RAE1: variants seen among roughly 807,000 people sequenced by gnomAD.
RAE1 encodes the protein mRNA export factor RAE1.
RAE1 carries 13 observed loss-of-function variants against 52.7 expected under a neutral mutation model. That is an observed-to-expected ratio of 0.25 (90% CI 0.16 to 0.39). The LOEUF (loss-of-function observed/expected upper bound fraction) is 0.39, where lower values mean the gene tolerates loss of function less well. Ranked by LOEUF, RAE1 falls within the 10% of genes least tolerant of loss-of-function variation. The probability of loss-of-function intolerance (pLI) is 1.00; values close to 1 mark genes in which losing one functional copy is unlikely to be tolerated. For synonymous variants in RAE1, 164 were observed against 153.1 expected (o/e 1.07, Z -0.52); for missense variants, 262 against 459.8 (o/e 0.57, Z 3.93).
intron 4 of RAE1, among the ~76,000 whole-genome samples, chr20:57,362,786 TTTTG>T (rs1362508942): frequency 2.6e-5 from 4 of 151,854 alleles, no homozygotes; most frequent in Non-Finnish European, 4.4e-5. Flanking sequence ...AGAGGTAAAT[TTTTG>T]TTTGTTTGTT....
chr20:57,353,915 T>C, intron 1 of RAE1, 117 bp from the exon 2 acceptor site: 2 of 834,456 alleles, frequency 2.4e-6, no homozygotes, highest in South Asian at 1.7e-5. Context: ...GTCTGAAAAG[T>C]GAAGCCTGGC....
intron 2 of RAE1, 137 bp from the exon 3 acceptor site, chr20:57,354,575 C>T (rs2066757357): frequency 5.3e-6 from 3 of 566,276 alleles, no homozygotes; most frequent in Non-Finnish European, 9.0e-6. Flanking sequence ...TGTCTTTGAT[C>T]AAAGTAAGGA....
Position 57,351,263 on chromosome 20 carries a change from G to A in RAE1, c.-167G>A, listed in dbSNP as rs2066703998. On this transcript the variant is annotated 5_prime_UTR_variant, in exon 1 of 12. Transcript: ENST00000395841. ...CAGGGCGCACGCGCGTTGTTTCCGC[G>A]GTAGTCAGGGCAGTTTCTACCGCAG... 1.0e-6 allele frequency: 1 copy of A among 985,338 alleles called. No homozygotes were observed. Among genetic ancestry groups the A allele is most frequent in the Non-Finnish European group, 1.2e-6 (1 of 829,922 alleles). The allele number at this position is 985,338 out of a possible 1,614,324, so 61.0% of individuals were successfully genotyped here. A position where few individuals can be genotyped will look rare whatever the true frequency, so the allele number is the denominator to read the frequency against.
At chr20:57,369,243 G>A (rs1320757555) in intron 8 of RAE1, among the ~76,000 whole-genome samples, 2 of 152,230 alleles carry the variant, frequency 1.3e-5, no homozygotes, top group African/African-American at 4.8e-5. Flanking sequence ...AGGGGGCTCA[G>A]GGCATGGCCC....
intron 4 of RAE1, among the ~76,000 whole-genome samples, chr20:57,364,998 T>C (rs1210229135): frequency 6.6e-6 from 1 of 152,222 alleles, no homozygotes; most frequent in Non-Finnish European, 1.5e-5. Context: ...TTTGCAACTT[T>C]TCTGAAGGCT....
At chr20:57,374,834 A>G (rs372649680) in intron 11 of RAE1, 33 bp downstream of exon 11, 30 of 1,611,700 alleles carry the variant, frequency 1.9e-5, no homozygotes, top group Non-Finnish European at 2.4e-5. Flanking sequence ...TGGGTGCTCC[A>G]AGGCAGCAGA....
At chr20:57,355,914 G>A (rs1396114262) in intron 3 of RAE1, among the ~76,000 whole-genome samples, 2 of 152,218 alleles carry the variant, frequency 1.3e-5, no homozygotes. Flanking sequence ...GAGGAAAGCT[G>A]TAGCTGCAAA....
In RAE1 at chr20:57,368,732, G is replaced by T; in HGVS notation, c.562G>T (p.Ala188Ser). Residue 188 changes from alanine to serine, a missense_variant, in exon 8 of 12, where the codon GCA becomes TCA. Physicochemically the swap from Ala to Ser is moderately conservative, Grantham distance 99 (BLOSUM62 1). Transcript: ENST00000395841. Reference sequence around the variant, plus strand: ...ATACCCCATGGCTGTGGTGGCAACTGCAGAGAGGGGCCTGATTGTCTATCA... The same window carrying T: ...ATACCCCATGGCTGTGGTGGCAACTTCAGAGAGGGGCCTGATTGTCTATCA... ...VIYPMAVVAT[A>S]ERGLIVYQLE... 1 of 1,613,684 alleles carries T rather than the reference G, an allele frequency of 6.2e-7. No homozygotes were observed. Among genetic ancestry groups the T allele is most frequent in the African/African-American group, 1.3e-5 (1 of 75,036 alleles).
At chr20:57,357,340 A>G (rs1050779415) in intron 4 of RAE1, 3 of 152,312 alleles carry the variant, frequency 2.0e-5, no homozygotes, top group South Asian at 4.1e-4. Flanking sequence ...TTACAAGAGT[A>G]TCATCTAAAT....
intron 1 of RAE1, chr20:57,352,044 T>C: frequency 1.1e-6 from 1 of 914,342 alleles, no homozygotes; most frequent in Non-Finnish European, 1.3e-6. Flanking sequence ...GGGGAAGAGA[T>C]TTTGAGTGTA....
At chr20:57,366,261 TTTGA>T (rs1467415108) in intron 5 of RAE1, among the ~76,000 whole-genome samples, 1 of 152,120 alleles carries the variant, frequency 6.6e-6, no homozygotes, top group African/African-American at 2.4e-5. Flanking sequence ...AATTGACTGT[TTTGA>T]TTATGGGTGT....
At chr20:57,377,575 T>C (rs1028014190) in intron 11 of RAE1, among the ~76,000 whole-genome samples, 3 of 152,202 alleles carry the variant, frequency 2.0e-5, no homozygotes, top group African/African-American at 7.2e-5. Flanking sequence ...TCTGCTGTGC[T>C]CCGTGTCTGT....
intron 4 of RAE1, 125 bp from the exon 5 acceptor site, chr20:57,365,231 C>G: frequency 1.6e-6 from 1 of 613,676 alleles, no homozygotes; most frequent in Non-Finnish European, 2.7e-6. Flanking sequence ...CACTGGTCCC[C>G]AAACAATTGG....
In RAE1 at chr20:57,376,481, C is replaced by T. The variant is rs551700137; in HGVS notation, c.1021-1532C>T. Among the ~76,000 whole-genome samples, 17 of 152,302 alleles carry T rather than the reference C, an allele frequency of 1.1e-4. No homozygotes were observed. The East Asian group carries it at 2.5e-3, about 22-fold the overall frequency. ...AGAATTTTATATAAGTGGAGCCCTACGCTACATTTTCCCCTCGCCCCAGCT... is the reference window on the plus strand; with the variant it reads ...AGAATTTTATATAAGTGGAGCCCTATGCTACATTTTCCCCTCGCCCCAGCT... On this transcript the variant is annotated intron_variant, in intron 11 of 11. Transcript: ENST00000395841.
chr20:57,352,808 G>A (rs943625405), intron 1 of RAE1, among the ~76,000 whole-genome samples: 32 of 152,342 alleles, frequency 2.1e-4, no homozygotes, highest in African/African-American at 7.5e-4. Flanking sequence ...CCCGTCCAAA[G>A]CCGTGTAACC....
At chr20:57,353,308 T>C (rs1269832024) in intron 1 of RAE1, among the ~76,000 whole-genome samples, 1 of 152,230 alleles carries the variant, frequency 6.6e-6, no homozygotes, top group Non-Finnish European at 1.5e-5. Flanking sequence ...TGTGTTAATG[T>C]TCTCTATGTT....
intron 11 of RAE1, 69 bp downstream of exon 11, chr20:57,374,870 A>G: frequency 1.3e-6 from 2 of 1,564,464 alleles, no homozygotes; most frequent in East Asian, 2.2e-5. Flanking sequence ...CAGAAGGCCT[A>G]GGCCTGAGTT....
At chr20:57,373,605 C>T (rs1291845288) in intron 9 of RAE1, 24 bp downstream of exon 9, 1 of 1,613,048 alleles carries the variant, frequency 6.2e-7, no homozygotes, top group Non-Finnish European at 8.5e-7. Flanking sequence ...TGTCAGCTTG[C>T]AGATTTCACT....
chr20:57,376,124 C>G (rs1035219254), intron 11 of RAE1, among the ~76,000 whole-genome samples: 1 of 152,210 alleles, frequency 6.6e-6, no homozygotes, highest in Non-Finnish European at 1.5e-5. Context: ...CCTGAGGCCC[C>G]GAACTTAGAC....
Sources: allele counts gnomAD v4.1 joint callset (sites outside exome capture counted in the v4.1 genomes callset), GRCh38; gene constraint gnomAD v4.1.1; transcripts MANE v1.5; gene names NCBI Gene and HGNC (gene_info 2026-07-23, HGNC 2026-07-21).